LRRC74A: variants seen among roughly 807,000 people sequenced by gnomAD.
LRRC74A encodes the protein leucine-rich repeat-containing protein 74A.
LRRC74A carries 44 observed loss-of-function variants against 57.9 expected under a neutral mutation model. The observed-to-expected ratio is 0.76, with a 90% CI of 0.60 to 0.98. LRRC74A has a LOEUF of 0.98. LRRC74A is among the 50% of genes least tolerant of loss of function. The pLI, the probability that LRRC74A is intolerant of heterozygous loss-of-function variation, is 0.00. For missense variants in LRRC74A, 572 were observed against 574.0 expected (o/e 1.00, Z 0.04); for synonymous variants, 211 against 219.4 (o/e 0.96, Z 0.34).
intron 7 of LRRC74A, among the ~76,000 whole-genome samples, chr14:76,847,662 G>A (rs1897194927): frequency 6.6e-6 from 1 of 151,290 alleles, no homozygotes; most frequent in Non-Finnish European, 1.5e-5. Flanking sequence ...TAACAAACCT[G>A]CACATGTACC....
chr14:76,848,510 C>T (rs1015809162), intron 7 of LRRC74A, among the ~76,000 whole-genome samples: 9 of 151,576 alleles, frequency 5.9e-5, no homozygotes, highest in African/African-American at 2.2e-4. Flanking sequence ...TAGAGGTTAT[C>T]GTAAGCTGTG....
At chr14:76,829,761 C>T (rs1287235335) in intron 2 of LRRC74A, among the ~76,000 whole-genome samples, 5 of 152,130 alleles carry the variant, frequency 3.3e-5, no homozygotes, top group African/African-American at 1.2e-4. Context: ...AATGGTAACT[C>T]GGGGCTCAGC....
At chr14:76,861,673 C>T (rs1023843873) in intron 11 of LRRC74A, among the ~76,000 whole-genome samples, 2 of 152,216 alleles carry the variant, frequency 1.3e-5, no homozygotes, top group African/African-American at 4.8e-5. Context: ...ATAGTAGCGC[C>T]GAAAGGGATG....
chr14:76,866,644 G>T (rs1335831842), intron 12 of LRRC74A, among the ~76,000 whole-genome samples: 1 of 151,976 alleles, frequency 6.6e-6, no homozygotes, highest in East Asian at 2.0e-4. Context: ...CCAGGCCGGG[G>T]GTGAAGAGGC....
chr14:76,847,189 C>T (rs1312079244), intron 7 of LRRC74A, among the ~76,000 whole-genome samples: 4 of 151,986 alleles, frequency 2.6e-5, no homozygotes, highest in African/African-American at 4.8e-5. Context: ...TCAAATAAGA[C>T]GAGGATAAAA....
Position 76,836,290 on chromosome 14 carries a change from A to G in LRRC74A, c.423A>G (p.Gln141=). The change falls in exon 4 of 14, where the codon CAA becomes CAG. Residue 141 remains glutamine, a synonymous_variant. Transcript: ENST00000689127. ...TCTTGAGCCTGGTGGAGATGCTACAAGAGAACTACTACCTCCAGGAGATGG... is the reference window on the plus strand; with the variant it reads ...TCTTGAGCCTGGTGGAGATGCTACAGGAGAACTACTACCTCCAGGAGATGG... The part of the protein sequence containing the change: ...EGVLSLVEML[Q]ENYYLQEMNI... The G allele has an allele frequency of 6.2e-7, 1 of 1,612,674 alleles. No individual in the cohort carries two copies. The highest frequency in any genetic ancestry group is 1.3e-5 in the African/African-American group (1 of 75,010).
At chr14:76,861,643 T>C (rs1052023875) in intron 11 of LRRC74A, among the ~76,000 whole-genome samples, 4 of 152,212 alleles carry the variant, frequency 2.6e-5, no homozygotes, top group Non-Finnish European at 4.4e-5. Flanking sequence ...GATGTAACAG[T>C]GGAAATACAA....
At chr14:76,829,023 G>C in intron 2 of LRRC74A, 1 of 1,289,326 alleles carries the variant, frequency 7.8e-7, no homozygotes, top group Non-Finnish European at 1.0e-6. Context: ...CTGGGTATCG[G>C]GACTGGCTGA....
Position 76,837,874 on chromosome 14 carries a change from G to C in LRRC74A, c.448-1G>C. The C allele has an allele frequency of 6.4e-7, 1 of 1,573,600 alleles. No homozygotes were observed. The highest frequency in any genetic ancestry group is 8.7e-7 in the Non-Finnish European group (1 of 1,155,350). On this transcript the variant is annotated splice_acceptor_variant, in intron 4 of 13. Transcript: ENST00000689127. LOFTEE classifies it high-confidence loss of function. Reference sequence around the variant, plus strand: ...TACCGAAGTGTTTTCTTGCCTTTTAGAATATTTCCAACAATCACCTTGGTT... The same window carrying C: ...TACCGAAGTGTTTTCTTGCCTTTTACAATATTTCCAACAATCACCTTGGTT...
rs113626899 is a variant in LRRC74A at position 76,846,376 on chromosome 14, T to C, written c.676+1475T>C. On this transcript the variant is annotated intron_variant, in intron 7 of 13. Transcript: ENST00000689127. ...CTTGGTAAACTTGAAAATGTGTCTA[T>C]TCTATGATGCAGAAATTCCCTCCCA... Among the ~76,000 whole-genome samples, 579 of 152,328 alleles carry C rather than the reference T, an allele frequency of 3.8e-3. 6 individuals carry two copies. The highest frequency in any genetic ancestry group is 0.013 in the African/African-American group (554 of 41,582).
At position 76,831,250 on chromosome 14, in the gene LRRC74A, G is replaced by A. The variant is rs1408115183; in HGVS notation, c.214G>A (p.Ala72Thr). The A allele has an allele frequency of 1.9e-6, 3 of 1,614,054 alleles. No individual in the cohort carries two copies. Among genetic ancestry groups the A allele is most frequent in the African/African-American group, 2.7e-5 (2 of 75,064 alleles). The change falls in exon 3 of 14, where the codon GCC becomes ACC. Residue 72 changes from alanine to threonine, a missense_variant. By Grantham distance (58) the Ala-to-Thr change is moderately conservative. Coordinates refer to ENST00000689127, the MANE Select transcript of LRRC74A (RefSeq NM_001385106.1). ...TTGQKELYLE[A>T]CKLMGVVPVS... ...TGGACAAAAGGAGCTGTACCTGGAGGCCTGCAAGCTGATGGGTGTAGTGCC... is the reference window on the plus strand; with the variant it reads ...TGGACAAAAGGAGCTGTACCTGGAGACCTGCAAGCTGATGGGTGTAGTGCC...
At chr14:76,857,512 C>T in intron 10 of LRRC74A, 37 bp downstream of exon 10, 1 of 1,433,260 alleles carries the variant, frequency 7.0e-7, no homozygotes, top group Non-Finnish European at 9.6e-7. Context: ...CGTCTGGGCA[C>T]AAGCCAGTGA....
intron 11 of LRRC74A, among the ~76,000 whole-genome samples, chr14:76,863,763 T>C (rs1898519339): frequency 6.6e-6 from 1 of 152,176 alleles, no homozygotes; most frequent in Admixed American, 6.5e-5. Flanking sequence ...CAAAGAAATG[T>C]CAGGAGGGCT....
At chr14:76,847,886 A>C (rs1897210116) in intron 7 of LRRC74A, among the ~76,000 whole-genome samples, 1 of 151,982 alleles carries the variant, frequency 6.6e-6, no homozygotes, top group Non-Finnish European at 1.5e-5. Flanking sequence ...AAAAATTCAA[A>C]AGTTGGGCTG....
intron 11 of LRRC74A, among the ~76,000 whole-genome samples, chr14:76,861,581 C>G (rs1898310994): frequency 6.6e-6 from 1 of 152,226 alleles, no homozygotes; most frequent in Admixed American, 6.5e-5. Flanking sequence ...CTAATGATAA[C>G]TTGCCCCCAA....
Position 76,836,311 on chromosome 14 carries a change from G to A in LRRC74A, c.444G>A (p.Glu148=), listed in dbSNP as rs796217190. 5.6e-6 allele frequency: 9 copies of A among 1,604,184 alleles called. No homozygotes were observed. The African/African-American group carries it at 1.2e-4, about 21-fold the overall frequency. The change falls in exon 4 of 14, where the codon GAG becomes GAA. Residue 148 remains glutamate, a synonymous_variant. Coordinates refer to ENST00000689127, the MANE Select transcript of LRRC74A (RefSeq NM_001385106.1). ...EMLQENYYLQ[E]MNISNNHLGL... is the part of the protein sequence containing the mutation. ...TACAAGAGAACTACTACCTCCAGGA[G>A]ATGGTACTGTGCCCCCCTGTGCTGG...
At chr14:76,827,105 T>G (rs1402864474) in intron 1 of LRRC74A, among the ~76,000 whole-genome samples, 2 of 152,192 alleles carry the variant, frequency 1.3e-5, no homozygotes, top group Non-Finnish European at 2.9e-5. Flanking sequence ...TTGTTAAAAT[T>G]TACCAGCATT....
chr14:76,827,128 T>G (rs1047177979), intron 1 of LRRC74A, among the ~76,000 whole-genome samples: 6 of 152,220 alleles, frequency 3.9e-5, no homozygotes, highest in Admixed American at 3.9e-4. Context: ...ACTGGTTGAA[T>G]GGAATTCTAA....
chr14:76,864,218 G>A (rs776154536), intron 11 of LRRC74A, among the ~76,000 whole-genome samples: 1 of 152,132 alleles, frequency 6.6e-6, no homozygotes, highest in Non-Finnish European at 1.5e-5. Context: ...GGAGGATGGA[G>A]AACTGGAAAT....
Sources: gnomAD v4.1 joint callset for allele counts (sites outside exome capture counted in the v4.1 genomes callset) on GRCh38, gnomAD v4.1.1 for gene constraint, MANE v1.5 for transcripts, NCBI Gene and HGNC (gene_info 2026-07-23, HGNC 2026-07-21) for gene names.